AOAH: variants seen among roughly 807,000 people sequenced by gnomAD.
The protein encoded by AOAH is acyloxyacyl hydrolase (neutrophil).
AOAH carries 64 observed loss-of-function variants against 92.2 expected under a neutral mutation model. That is an observed-to-expected ratio of 0.69 (90% CI 0.57 to 0.86). The LOEUF is 0.86. Ranked by LOEUF, AOAH falls within the 40% of genes least tolerant of loss-of-function variation. AOAH has a pLI of 0.00. For missense variants in AOAH, 656 were observed against 694.6 expected, an observed-to-expected ratio of 0.94 and a Z score of 0.62; for synonymous variants, 263 against 254.5, an observed-to-expected ratio of 1.03 and a Z score of -0.32.
chr7:36,696,600 G>A (rs1186331153), intron 1 of AOAH, among the ~76,000 whole-genome samples: 2 of 152,170 alleles, frequency 1.3e-5, no homozygotes, highest in South Asian at 2.1e-4. Flanking sequence ...ATTGGCTCAC[G>A]CCTGCAATCC....
At chr7:36,629,457 A>ATGAT (rs1325520813) in intron 6 of AOAH, among the ~76,000 whole-genome samples, 5 of 152,052 alleles carry the variant, frequency 3.3e-5, no homozygotes, top group Non-Finnish European at 4.4e-5. Flanking sequence ...GCATGATGAC[A>ATGAT]TGATTGGGGG....
At chr7:36,579,722 TC>T (rs1788800024) in intron 12 of AOAH, among the ~76,000 whole-genome samples, 1 of 152,162 alleles carries the variant, frequency 6.6e-6, no homozygotes, top group African/African-American at 2.4e-5. Context: ...GCACATTTTT[TC>T]TGCCTGGTTA....
chr7:36,539,018 G>A (rs762700980), intron 16 of AOAH, among the ~76,000 whole-genome samples: 9 of 152,164 alleles, frequency 5.9e-5, no homozygotes, highest in African/African-American at 1.4e-4. Context: ...GGGGAGAGGC[G>A]GAATTTCCTG....
At chr7:36,649,451 G>A (rs1421758360) in intron 4 of AOAH, among the ~76,000 whole-genome samples, 2 of 152,206 alleles carry the variant, frequency 1.3e-5, no homozygotes, top group Non-Finnish European at 2.9e-5. Flanking sequence ...GAAGGTGACT[G>A]CATCCGCTTT....
At chr7:36,617,763 A>G (rs900219743) in intron 10 of AOAH, among the ~76,000 whole-genome samples, 1 of 152,234 alleles carries the variant, frequency 6.6e-6, no homozygotes, top group African/African-American at 2.4e-5. Flanking sequence ...TGTTTGTGCC[A>G]TCTGGGCACT....
Position 36,704,407 on chromosome 7 carries a change from C to T in AOAH, c.128-17613G>A, listed in dbSNP as rs184987277. Reference sequence around the variant, plus strand: ...AAAATCTAGAAGAAATGGATAAATTCCTTGACACATACACCCTCCCAAAAC... The same window carrying T: ...AAAATCTAGAAGAAATGGATAAATTTCTTGACACATACACCCTCCCAAAAC... On this transcript the variant is annotated intron_variant, in intron 1 of 20. Coordinates refer to ENST00000617537, the MANE Select transcript of AOAH (RefSeq NM_001637.4). Among the ~76,000 whole-genome samples the T allele has an allele frequency of 2.6e-3, 397 of 152,224 alleles. 4 individuals are homozygous for T. The highest frequency in any genetic ancestry group is 9.2e-3 in the African/African-American group (382 of 41,550).
At chr7:36,633,005 G>A (rs1051781850) in intron 5 of AOAH, among the ~76,000 whole-genome samples, 8 of 152,218 alleles carry the variant, frequency 5.3e-5, no homozygotes, top group African/African-American at 1.4e-4. Flanking sequence ...TCAGCTCTCC[G>A]TGGAGTGGAG....
intron 1 of AOAH, among the ~76,000 whole-genome samples, chr7:36,698,682 A>T (rs1196352991): frequency 1.3e-5 from 2 of 152,144 alleles, no homozygotes; most frequent in Non-Finnish European, 2.9e-5. Flanking sequence ...TTTTTTATTG[A>T]TACATAATAG....
rs767855693 is a variant in AOAH, at chr7:36,600,745, T to C, written c.847-6315A>G. Among the ~76,000 whole-genome samples, 36 of 152,044 alleles carry C rather than the reference T, an allele frequency of 2.4e-4. 1 individual carries two copies. Among genetic ancestry groups the C allele is most frequent in the Non-Finnish European group, 2.9e-5 (2 of 68,006 alleles). On this transcript the variant is annotated intron_variant, in intron 11 of 20. Coordinates refer to ENST00000617537, the MANE Select transcript of AOAH (RefSeq NM_001637.4). ...TGCCAAATCCCATAAAATCACAAAA[T>C]GGGCCAAGCTGGGCTAGATAGTCCT...
At chr7:36,552,272 G>A (rs1208708873) in intron 13 of AOAH, among the ~76,000 whole-genome samples, 1 of 152,124 alleles carries the variant, frequency 6.6e-6, no homozygotes, top group East Asian at 1.9e-4. Flanking sequence ...TTCTGTTCCT[G>A]TGTTAGTTTG....
chr7:36,520,654 G>A (rs1172849454), intron 20 of AOAH, among the ~76,000 whole-genome samples: 1 of 151,528 alleles, frequency 6.6e-6, no homozygotes. Context: ...GCGGTGAGCG[G>A]AGATCACACC....
chr7:36,600,343 T>C (rs1180314819), intron 11 of AOAH, among the ~76,000 whole-genome samples: 1 of 152,204 alleles, frequency 6.6e-6, no homozygotes, highest in Non-Finnish European at 1.5e-5. Context: ...TGACCAACCC[T>C]TAACCCAGTG....
chr7:36,609,634 T>G (rs972722592), intron 11 of AOAH, among the ~76,000 whole-genome samples: 1 of 150,470 alleles, frequency 6.6e-6, no homozygotes, highest in Non-Finnish European at 1.5e-5. Context: ...TCTGTTCCCC[T>G]GCTTTGAACA....
intron 11 of AOAH, among the ~76,000 whole-genome samples, chr7:36,601,857 G>A (rs17479862): frequency 0.063 from 9,542 of 152,222 alleles, 371 homozygotes; most frequent in Non-Finnish European, 0.089. Context: ...TGCTAACACC[G>A]CATGCAAAAC....
At chr7:36,596,794 T>C (rs1344280502) in intron 11 of AOAH, among the ~76,000 whole-genome samples, 13 of 152,210 alleles carry the variant, frequency 8.5e-5, no homozygotes, top group Non-Finnish European at 4.4e-5. Flanking sequence ...GCCACCCAGC[T>C]TGTGGTACTT....
chr7:36,625,531 A>ACTCAT (rs1792597603), intron 6 of AOAH, among the ~76,000 whole-genome samples: 1 of 152,190 alleles, frequency 6.6e-6, no homozygotes, highest in Non-Finnish European at 1.5e-5. Flanking sequence ...CCGAAAGAGG[A>ACTCAT]AATTCACCTC....
chr7:36,517,194 C>CTT (rs1554360899), intron 20 of AOAH, among the ~76,000 whole-genome samples: 1 of 69,204 alleles, frequency 1.4e-5, no homozygotes, highest in Admixed American at 1.9e-4. Context: ...TTCTTTCTTT[C>CTT]TTTCTTTCTT....
At chr7:36,545,143 C>G (rs1785721421) in intron 15 of AOAH, among the ~76,000 whole-genome samples, 1 of 152,016 alleles carries the variant, frequency 6.6e-6, no homozygotes, top group Non-Finnish European at 1.5e-5. Context: ...GGTTGAACTC[C>G]TGGGCTCAAG....
chr7:36,685,958 T>G (rs888958155), intron 2 of AOAH, among the ~76,000 whole-genome samples: 13 of 152,120 alleles, frequency 8.5e-5, no homozygotes, highest in African/African-American at 3.1e-4. Context: ...CAATTGCCAT[T>G]ATTCCAACTA....
Sources: allele counts gnomAD v4.1 joint callset (sites outside exome capture counted in the v4.1 genomes callset), GRCh38; gene constraint gnomAD v4.1.1; transcripts MANE v1.5; gene names NCBI Gene and HGNC (gene_info 2026-07-23, HGNC 2026-07-21).